CSMD2: variants seen among roughly 807,000 people sequenced by gnomAD.
CSMD2 encodes the protein CUB and sushi domain-containing protein 2.
In CSMD2, 130 loss-of-function variants were observed where a neutral mutation model predicts 398.5. That is an observed-to-expected ratio of 0.33 (90% CI 0.28 to 0.38). CSMD2 has a LOEUF of 0.38. CSMD2 is among the 10% of genes least tolerant of loss of function. The probability of loss-of-function intolerance (pLI) is 1.00; values close to 1 mark genes in which losing one functional copy is unlikely to be tolerated. For synonymous variants in CSMD2, 1,828 were observed against 1,908.5 expected (o/e 0.96, Z 1.10); for missense variants, 3,829 against 4,764.9 (o/e 0.80, Z 5.78).
chr1:34,098,937 A>C (rs1422376108), intron 1 of CSMD2, among the ~76,000 whole-genome samples: 1 of 152,222 alleles, frequency 6.6e-6, no homozygotes, highest in Admixed American at 6.5e-5. Flanking sequence ...GAAAGCATAC[A>C]AAAATGTTAG....
At chr1:33,720,939 G>A (rs1453214205) in intron 19 of CSMD2, among the ~76,000 whole-genome samples, 1 of 152,138 alleles carries the variant, frequency 6.6e-6, no homozygotes, top group Non-Finnish European at 1.5e-5. Flanking sequence ...AACCTCAGGT[G>A]ATCTGCCTGC....
chr1:33,769,896 C>A (rs930979689), intron 13 of CSMD2, among the ~76,000 whole-genome samples: 5 of 152,144 alleles, frequency 3.3e-5, no homozygotes, highest in African/African-American at 1.2e-4. Context: ...CTTATGCTGA[C>A]TTTTGCTAGA....
At chr1:33,671,906 C>G (rs1644513352) in intron 25 of CSMD2, among the ~76,000 whole-genome samples, 1 of 152,088 alleles carries the variant, frequency 6.6e-6, no homozygotes, top group African/African-American at 2.4e-5. Flanking sequence ...TTTTTAAAAA[C>G]AAAAACAAAA....
chr1:33,782,306 T>A (rs1457438212), intron 12 of CSMD2, among the ~76,000 whole-genome samples: 24 of 152,070 alleles, frequency 1.6e-4, no homozygotes, highest in Admixed American at 1.6e-3. Context: ...GGTAATGATG[T>A]AGGTTGGAAG....
At chr1:33,903,309 T>C (rs1175847608) in intron 5 of CSMD2, among the ~76,000 whole-genome samples, 1 of 149,376 alleles carries the variant, frequency 6.7e-6, no homozygotes, top group Non-Finnish European at 1.5e-5. Context: ...ATCAAACCTC[T>C]CCAGTTCTGT....
chr1:33,715,747 G>T (rs1183930128), intron 20 of CSMD2, among the ~76,000 whole-genome samples: 1 of 152,214 alleles, frequency 6.6e-6, no homozygotes, highest in Non-Finnish European at 1.5e-5. Flanking sequence ...GGCTCGGTAT[G>T]AGAGGAGCCA....
At chr1:33,570,166 CTTTTTT>C (rs5773416) in intron 51 of CSMD2, among the ~76,000 whole-genome samples, 1 of 117,294 alleles carries the variant, frequency 8.5e-6, no homozygotes, top group Admixed American at 9.6e-5. Context: ...CGGACATTGG[CTTTTTT>C]TTTTTTTTTT....
chr1:33,643,997 A>C (rs1039178697), intron 29 of CSMD2, among the ~76,000 whole-genome samples: 5 of 152,152 alleles, frequency 3.3e-5, no homozygotes, highest in African/African-American at 9.7e-5. Context: ...CCTCAAACAC[A>C]CATAGTTATC....
chr1:33,765,903 G>A (rs1190680930), intron 13 of CSMD2, among the ~76,000 whole-genome samples: 3 of 152,230 alleles, frequency 2.0e-5, no homozygotes, highest in Admixed American at 6.5e-5. Context: ...AATGCCCCAT[G>A]TCCCTCCTAG....
chr1:33,577,438 T>G lies in CSMD2; in HGVS notation c.7434A>C (p.Leu2478=). 1 of 1,613,944 alleles carries G rather than the reference T, an allele frequency of 6.2e-7. No individual in the cohort carries two copies. Among genetic ancestry groups the G allele is most frequent in the South Asian group, 1.1e-5 (1 of 91,028 alleles). ...LPRAPLHGFI[L]GQTSTQPGGS... ...CCCCGGGCTGGGTGCTGGTCTGGCC[T>G]AGGATGAAGCCATGGAGTGGAGCCC... Residue 2478 remains leucine, a synonymous_variant, in exon 49 of 71, where the codon CTA becomes CTC. Transcript: ENST00000373381.
At chr1:33,662,858 T>C in intron 26 of CSMD2, 32 bp downstream of exon 26, 6 of 1,601,402 alleles carry the variant, frequency 3.7e-6, no homozygotes, top group Non-Finnish European at 4.3e-6. Context: ...TCAGGACATG[T>C]GGAGTGGGGC....
chr1:33,978,095 A>G (rs762915956), intron 3 of CSMD2, among the ~76,000 whole-genome samples: 2 of 152,060 alleles, frequency 1.3e-5, no homozygotes, highest in African/African-American at 2.4e-5. Context: ...AGACTTTATT[A>G]TTCCCATTAT....
chr1:33,700,987 A>C (rs1645594709), intron 22 of CSMD2, among the ~76,000 whole-genome samples: 1 of 152,056 alleles, frequency 6.6e-6, no homozygotes, highest in Non-Finnish European at 1.5e-5. Context: ...GCACCAGCTT[A>C]CTCTTTAGCA....
At chr1:33,992,668 A>G (rs1239493329) in intron 3 of CSMD2, among the ~76,000 whole-genome samples, 1 of 151,516 alleles carries the variant, frequency 6.6e-6, no homozygotes, top group Non-Finnish European at 1.5e-5. Context: ...GGAGATCGAG[A>G]CCATCCTGGC....
intron 26 of CSMD2, among the ~76,000 whole-genome samples, chr1:33,662,121 C>A (rs1644157206): frequency 6.6e-6 from 1 of 152,166 alleles, no homozygotes; most frequent in Non-Finnish European, 1.5e-5. Flanking sequence ...TTATCTCATA[C>A]TGGGATTTGG....
intron 59 of CSMD2, 30 bp from the exon 60 acceptor site, chr1:33,540,728 T>C: frequency 6.2e-7 from 1 of 1,612,728 alleles, no homozygotes; most frequent in Non-Finnish European, 8.5e-7. Context: ...GGCTGAGTTC[T>C]GATGCTGTCC....
At chr1:33,666,287 T>C (rs1016424446) in intron 25 of CSMD2, among the ~76,000 whole-genome samples, 5 of 152,236 alleles carry the variant, frequency 3.3e-5, no homozygotes, top group Admixed American at 3.3e-4. Flanking sequence ...ATTGGGATTA[T>C]ATACACATTG....
chr1:33,574,460 T>G (rs906774808), intron 49 of CSMD2, among the ~76,000 whole-genome samples: 6 of 152,202 alleles, frequency 3.9e-5, no homozygotes, highest in African/African-American at 1.4e-4. Context: ...ATGGAAAGAT[T>G]AATCCGTCAA....
intron 5 of CSMD2, among the ~76,000 whole-genome samples, chr1:33,857,939 C>T (rs562137762): frequency 7.2e-5 from 11 of 152,332 alleles, no homozygotes; most frequent in Non-Finnish European, 1.3e-4. Context: ...CCATAGATCA[C>T]TGTGTGAGTT....
Sources: gnomAD v4.1 joint callset for allele counts (sites outside exome capture counted in the v4.1 genomes callset) on GRCh38, gnomAD v4.1.1 for gene constraint, MANE v1.5 for transcripts, NCBI Gene and HGNC (gene_info 2026-07-23, HGNC 2026-07-21) for gene names.